Variants in COX7B2 observed in about 807,000 individuals in gnomAD.
The protein encoded by COX7B2 is cytochrome c oxidase subunit 7B2, also known as cytochrome c oxidase subunit 7B2, mitochondrial.
For missense variants in COX7B2, 109 were observed against 95.9 expected (o/e 1.14, Z -0.57); for synonymous variants, 37 against 32.1 (o/e 1.15, Z -0.51).
chr4:46,739,823 G>A (rs997358855), intron 2 of COX7B2, among the ~76,000 whole-genome samples: 6 of 151,948 alleles, frequency 3.9e-5, no homozygotes, highest in Non-Finnish European at 2.9e-5. Flanking sequence ...CCCAACAGAT[G>A]AGCCTGGAGA....
intron 2 of COX7B2, among the ~76,000 whole-genome samples, chr4:46,763,844 AATG>A (rs1716368317): frequency 6.6e-6 from 1 of 152,160 alleles, no homozygotes; most frequent in Non-Finnish European, 1.5e-5. Context: ...GAAACGGACA[AATG>A]ATTAATGACT....
chr4:46,812,587 T>C (rs950068690), intron 2 of COX7B2, among the ~76,000 whole-genome samples: 3 of 152,084 alleles, frequency 2.0e-5, no homozygotes, highest in African/African-American at 7.2e-5. Flanking sequence ...CCTGATATGA[T>C]TTAGGCCCCA....
intron 1 of COX7B2, among the ~76,000 whole-genome samples, chr4:46,906,195 G>C (rs1017339473): frequency 6.6e-6 from 1 of 152,096 alleles, no homozygotes; most frequent in African/African-American, 2.4e-5. Context: ...TTGATAAGCT[G>C]GTGACCTGCC....
intron 1 of COX7B2, among the ~76,000 whole-genome samples, chr4:46,846,706 G>A (rs1215801727): frequency 6.6e-6 from 1 of 152,076 alleles, no homozygotes; most frequent in African/African-American, 2.4e-5. Context: ...AAAAAAGCCA[G>A]ATGGTGTAGC....
At chr4:46,905,947 A>C (rs1294556588) in intron 1 of COX7B2, among the ~76,000 whole-genome samples, 1 of 143,796 alleles carries the variant, frequency 7.0e-6, no homozygotes, top group Non-Finnish European at 1.5e-5. Flanking sequence ...CTCCTTCCTC[A>C]GCCTCCCGAG....
chr4:46,880,238 T>A (rs1244459246), intron 1 of COX7B2, among the ~76,000 whole-genome samples: 2 of 152,124 alleles, frequency 1.3e-5, no homozygotes. Flanking sequence ...AAGTTTCCTT[T>A]ATTTGTTGTG....
At chr4:46,892,578 C>A (rs1245521841) in intron 1 of COX7B2, among the ~76,000 whole-genome samples, 1 of 152,168 alleles carries the variant, frequency 6.6e-6, no homozygotes, top group African/African-American at 2.4e-5. Context: ...TGCAATAACA[C>A]TTGACTCTTT....
At chr4:46,793,929 T>C (rs1718184488) in intron 2 of COX7B2, among the ~76,000 whole-genome samples, 1 of 152,190 alleles carries the variant, frequency 6.6e-6, no homozygotes, top group African/African-American at 2.4e-5. Context: ...GGCTGTGGCA[T>C]CTACATTCAT....
chr4:46,785,011 T>C (rs776948731), intron 2 of COX7B2, among the ~76,000 whole-genome samples: 16 of 152,244 alleles, frequency 1.1e-4, no homozygotes, highest in Non-Finnish European at 1.9e-4. Context: ...TGCACAAATC[T>C]GGCATGAAAT....
chr4:46,819,357 A>T (rs1714107758), intron 2 of COX7B2, among the ~76,000 whole-genome samples: 1 of 152,072 alleles, frequency 6.6e-6, no homozygotes, highest in South Asian at 2.1e-4. Context: ...CTAACATGCC[A>T]CTCTTAGGAA....
At chr4:46,853,325 T>C (rs1001355625) in intron 1 of COX7B2, among the ~76,000 whole-genome samples, 8 of 152,158 alleles carry the variant, frequency 5.3e-5, no homozygotes, top group Admixed American at 5.2e-4. Context: ...AACACAGGAT[T>C]CATTTAACCC....
chr4:46,761,170 TA>T (rs952979614), intron 2 of COX7B2, among the ~76,000 whole-genome samples: 5 of 152,178 alleles, frequency 3.3e-5, no homozygotes, highest in Non-Finnish European at 7.3e-5. Context: ...AGAGCATTTT[TA>T]AGTGGGTAGA....
intron 2 of COX7B2, among the ~76,000 whole-genome samples, chr4:46,775,222 C>T (rs990575199): frequency 1.3e-5 from 2 of 151,994 alleles, no homozygotes; most frequent in African/African-American, 2.4e-5. Context: ...AGAAATATGA[C>T]TTCCAGTATG....
At chr4:46,757,113 G>C (rs1403976832) in intron 2 of COX7B2, among the ~76,000 whole-genome samples, 1 of 151,982 alleles carries the variant, frequency 6.6e-6, no homozygotes, top group South Asian at 2.1e-4. Flanking sequence ...ATCTATCTAT[G>C]AATAATACTT....
intron 1 of COX7B2, among the ~76,000 whole-genome samples, chr4:46,881,580 T>A (rs1217158467): frequency 6.6e-6 from 1 of 151,562 alleles, no homozygotes; most frequent in Non-Finnish European, 1.5e-5. Flanking sequence ...CTGGCCAACA[T>A]GGTGAAACCT....
At chr4:46,888,866 C>T (rs905299898) in intron 1 of COX7B2, among the ~76,000 whole-genome samples, 2 of 152,180 alleles carry the variant, frequency 1.3e-5, no homozygotes, top group Non-Finnish European at 2.9e-5. Context: ...CCACCAACAC[C>T]ACAAAACACG....
intron 1 of COX7B2, among the ~76,000 whole-genome samples, chr4:46,863,281 A>T (rs1717444083): frequency 6.6e-6 from 1 of 152,178 alleles, no homozygotes. Context: ...CTAATTTTAT[A>T]CAAGACAGGG....
At chr4:46,758,283 G>T (rs1001169749) in intron 2 of COX7B2, among the ~76,000 whole-genome samples, 3 of 150,236 alleles carry the variant, frequency 2.0e-5, no homozygotes, top group African/African-American at 7.3e-5. Context: ...GAGCTAAACT[G>T]AGAGGTATAG....
chr4:46,781,668 G>A (rs1717455944), intron 2 of COX7B2, among the ~76,000 whole-genome samples: 2 of 152,210 alleles, frequency 1.3e-5, no homozygotes, highest in African/African-American at 4.8e-5. Flanking sequence ...TGCTTGCCAG[G>A]AGGTGTGGAA....
Sources: gnomAD v4.1 joint callset for allele counts (sites outside exome capture counted in the v4.1 genomes callset) on GRCh38, gnomAD v4.1.1 for gene constraint, MANE v1.5 for transcripts, NCBI Gene and HGNC (gene_info 2026-07-23, HGNC 2026-07-21) for gene names.